Variants in HMGCLL1 observed in about 807,000 individuals in gnomAD.
HMGCLL1 encodes the protein 3-hydroxy-3-methylglutaryl-CoA lyase like 1.
In HMGCLL1, 36 loss-of-function variants were observed where a neutral mutation model predicts 39.1. That is an observed-to-expected ratio of 0.92 (90% CI 0.71 to 1.22). The LOEUF (loss-of-function observed/expected upper bound fraction) is 1.22. Ranked by LOEUF, HMGCLL1 falls within the 50% of genes most tolerant of loss-of-function variation. The pLI, the probability that HMGCLL1 is intolerant of heterozygous loss-of-function variation, is 0.00. For synonymous variants in HMGCLL1, 149 were observed against 144.0 expected (o/e 1.03, Z -0.25); for missense variants, 451 against 416.5 (o/e 1.08, Z -0.72).
chr6:55,627,165 C>T, the HMGCLL1 span, among the ~76,000 whole-genome samples: 1 of 151,770 alleles, frequency 6.6e-6, no homozygotes, highest in African/African-American at 2.4e-5. Context: ...GACCACGTGA[C>T]CAGCTGTAGA....
intron 3 of HMGCLL1, 127 bp from the exon 4 acceptor site, chr6:55,516,730 A>C: frequency 1.9e-6 from 1 of 514,384 alleles, no homozygotes; most frequent in Non-Finnish European, 3.4e-6. Flanking sequence ...GAAATAAAAA[A>C]AAATGCCAGT....
In HMGCLL1 at chr6:55,578,983, C is replaced by A; in HGVS notation, c.73G>T (p.Gly25Trp). 1.9e-6 allele frequency: 3 copies of A among 1,613,616 alleles called. No individual in the cohort carries two copies. The highest frequency in any genetic ancestry group is 2.2e-5 in the East Asian group (1 of 44,786). Residue 25 changes from glycine to tryptophan, a missense_variant, in exon 1 of 9, where the codon GGG becomes TGG. Transcript: ENST00000274901. Reference protein sequence around the residue: ...QQLLREHLWIGDSVAGALDPA... With the variant: ...QQLLREHLWIWDSVAGALDPA... ...TCGAGCGCCCCTGCCACTGAATCCC[C>A]GATCCAGAGATGCTCCCGGAGAAGC... is the stretch of plus-strand genomic sequence containing the variant.
intron 7 of HMGCLL1, among the ~76,000 whole-genome samples, chr6:55,485,647 GAAC>G (rs956594446): frequency 2.6e-5 from 4 of 151,554 alleles, no homozygotes; most frequent in Non-Finnish European, 5.9e-5. Context: ...CAAAGAACAA[GAAC>G]AACAATTAAT....
chr6:55,474,951 T>G (rs192728441), intron 7 of HMGCLL1, among the ~76,000 whole-genome samples: 119 of 151,756 alleles, frequency 7.8e-4, no homozygotes, highest in African/African-American at 2.7e-3. Flanking sequence ...AATCTGCTGT[T>G]ATTAGACTGG....
chr6:55,543,193 A>G (rs1170584418), intron 1 of HMGCLL1, among the ~76,000 whole-genome samples: 1 of 11,542 alleles, frequency 8.7e-5, no homozygotes, highest in African/African-American at 2.3e-4. Context: ...TATATAATAT[A>G]TTATATATTA....
chr6:55,477,346 T>TA (rs1765463448), intron 7 of HMGCLL1, among the ~76,000 whole-genome samples: 2 of 30,168 alleles, frequency 6.6e-5, no homozygotes, highest in East Asian at 2.0e-3. Flanking sequence ...ATATATTATA[T>TA]TTAGATAATA....
At chr6:55,464,114 G>C (rs1284353780) in intron 7 of HMGCLL1, among the ~76,000 whole-genome samples, 1 of 152,066 alleles carries the variant, frequency 6.6e-6, no homozygotes, top group Non-Finnish European at 1.5e-5. Flanking sequence ...GACAATAGCT[G>C]TGAATAATAT....
chr6:55,628,536 T>G, the HMGCLL1 span, among the ~76,000 whole-genome samples: 5 of 151,822 alleles, frequency 3.3e-5, no homozygotes, highest in African/African-American at 1.2e-4. Flanking sequence ...ACACCTGATC[T>G]CAGGTGATCT....
At chr6:55,608,983 C>A in the HMGCLL1 span, among the ~76,000 whole-genome samples, 1 of 152,338 alleles carries the variant, frequency 6.6e-6, no homozygotes, top group Non-Finnish European at 1.5e-5. Context: ...GCCCTACCCC[C>A]AGCCAAGGGA....
chr6:55,637,131 CA>C, the HMGCLL1 span, among the ~76,000 whole-genome samples: 2 of 152,092 alleles, frequency 1.3e-5, no homozygotes, highest in African/African-American at 4.8e-5. Flanking sequence ...ATGTTTCAGC[CA>C]AGGAACTAGC....
At chr6:55,605,414 A>G in the HMGCLL1 span, among the ~76,000 whole-genome samples, 2 of 88,316 alleles carry the variant, frequency 2.3e-5, no homozygotes, top group African/African-American at 1.3e-4. Flanking sequence ...TCAACCTAGA[A>G]TGATATTTCT....
the HMGCLL1 span, among the ~76,000 whole-genome samples, chr6:55,619,450 A>G: frequency 2.0e-4 from 31 of 152,198 alleles, no homozygotes; most frequent in Non-Finnish European, 4.0e-4. Context: ...ATAGTGGCAC[A>G]TGGGAGGGGG....
chr6:55,609,005 A>G, the HMGCLL1 span, among the ~76,000 whole-genome samples: 109 of 152,358 alleles, frequency 7.2e-4, 1 homozygote, highest in South Asian at 6.8e-3. Context: ...CTGGTGAGTG[A>G]GAGTGGTACC....
upstream of HMGCLL1, among the ~76,000 whole-genome samples, chr6:55,580,406 CTTTTTTTTTTT>C (rs145371462): frequency 6.8e-5 from 5 of 73,270 alleles, no homozygotes; most frequent in South Asian, 2.3e-3. Context: ...TTTTTTCTTT[CTTTTTTTTTTT>C]TTTTTTTTTT....
intron 7 of HMGCLL1, among the ~76,000 whole-genome samples, chr6:55,466,597 T>A (rs112050105): frequency 3.3e-5 from 5 of 152,044 alleles, no homozygotes; most frequent in Non-Finnish European, 5.9e-5. Context: ...ACTCAGCTGT[T>A]TCTTCCCTCT....
Position 55,435,766 on chromosome 6 carries a change from G to T in HMGCLL1, c.922-3C>A. The T allele has an allele frequency of 6.6e-7, 1 of 1,525,190 alleles. No individual in the cohort carries two copies. Among genetic ancestry groups the T allele is most frequent in the Non-Finnish European group, 8.9e-7 (1 of 1,117,550 alleles). The allele number at this position is 1,525,190 out of a possible 1,614,324, so 94.5% of individuals were successfully genotyped here. A position where few individuals can be genotyped will look rare whatever the true frequency, so the allele number is the denominator to read the frequency against. Reference sequence around the variant, plus strand: ...ATCACTTTGTATAGATTCACACCCTGGTGACGAAATGAAGGAATATCAGGA... The same window carrying T: ...ATCACTTTGTATAGATTCACACCCTTGTGACGAAATGAAGGAATATCAGGA... On this transcript the variant is annotated splice_polypyrimidine_tract_variant and splice_region_variant and intron_variant, in intron 8 of 8. Coordinates refer to ENST00000274901, the MANE Select transcript of HMGCLL1 (RefSeq NM_001042406.2).
chr6:55,657,625 A>C, the HMGCLL1 span, among the ~76,000 whole-genome samples: 3 of 152,084 alleles, frequency 2.0e-5, no homozygotes, highest in South Asian at 6.2e-4. Context: ...TCATTGTAGC[A>C]CTATTCACAA....
At chr6:55,542,825 GTAATATATA>G (rs1348715386) in intron 1 of HMGCLL1, among the ~76,000 whole-genome samples, 27 of 135,092 alleles carry the variant, frequency 2.0e-4, no homozygotes, top group Non-Finnish European at 1.5e-4. Context: ...ACATATATAT[GTAATATATA>G]TGTATTATAT....
chr6:55,517,573 C>T (rs1767805931), intron 3 of HMGCLL1, among the ~76,000 whole-genome samples: 1 of 151,812 alleles, frequency 6.6e-6, no homozygotes, highest in African/African-American at 2.4e-5. Flanking sequence ...ACTTGGTTTG[C>T]TATCATCAGA....
Sources: allele counts gnomAD v4.1 joint callset (sites outside exome capture counted in the v4.1 genomes callset), GRCh38; gene constraint gnomAD v4.1.1; transcripts MANE v1.5; gene names NCBI Gene and HGNC (gene_info 2026-07-23, HGNC 2026-07-21).